NFATC2: variants seen among roughly 807,000 people sequenced by gnomAD.
The protein encoded by NFATC2 is nuclear factor of activated T cells 2.
In NFATC2, 22 loss-of-function variants were observed where a neutral mutation model predicts 87.3. The observed-to-expected ratio is 0.25, with a 90% CI of 0.18 to 0.36. NFATC2 has a LOEUF of 0.36. NFATC2 is among the 10% of genes least tolerant of loss of function. NFATC2 has a pLI of 1.00. For synonymous variants in NFATC2, 565 were observed against 542.2 expected, an observed-to-expected ratio of 1.04 and a Z score of -0.58; for missense variants, 1,149 against 1,259.1, an observed-to-expected ratio of 0.91 and a Z score of 1.32.
Position 51,432,854 on chromosome 20 carries a change from G to T in NFATC2, c.2033-98C>A. On this transcript the variant is annotated intron_variant, in intron 8 of 10. Transcript: ENST00000371564. This position sits in a 1 kb window ranked among gnomAD's most constrained non-coding sequence, Gnocchi z 4.6. ...GGTGCTTGAGAACATGGCCTTGGGA[G>T]TCCATACGGGTGGGACAAACAGCTG... 1 of 1,072,890 alleles carries T rather than the reference G, an allele frequency of 9.3e-7. No individual in the cohort carries two copies. The highest frequency in any genetic ancestry group is 1.3e-6 in the Non-Finnish European group (1 of 791,678). 66.5% of individuals were successfully genotyped at this position (1,072,890 alleles called of 1,614,324 possible).
intron 1 of NFATC2, among the ~76,000 whole-genome samples, chr20:51,525,104 C>T (rs562293857): frequency 2.9e-4 from 44 of 152,274 alleles, no homozygotes; most frequent in African/African-American, 9.9e-4. Flanking sequence ...CCTGTAATCC[C>T]AGCTACTCAG....
upstream of NFATC2, among the ~76,000 whole-genome samples, chr20:51,544,133 G>T (rs921003821): frequency 1.3e-5 from 2 of 151,660 alleles, no homozygotes; most frequent in Non-Finnish European, 2.9e-5. Context: ...GACTACAGGC[G>T]CCAGCCACCA....
intron 3 of NFATC2, among the ~76,000 whole-genome samples, chr20:51,478,191 A>C (rs1988925529): frequency 6.6e-6 from 1 of 152,230 alleles, no homozygotes; most frequent in Non-Finnish European, 1.5e-5. Context: ...GCCAAGATGG[A>C]AATCCAAGTC....
In NFATC2 at chr20:51,516,961, G is replaced by A; in HGVS notation, c.1161-6C>T. 1 of 1,596,882 alleles carries A rather than the reference G, an allele frequency of 6.3e-7. No individual in the cohort carries two copies. The highest frequency in any genetic ancestry group is 8.5e-7 in the Non-Finnish European group (1 of 1,170,470). ...GGGATGCAGTCACTGGGATGCTAAA[G>A]GAGAAAATAAAATCAGCCATGTGTG... On this transcript the variant is annotated splice_polypyrimidine_tract_variant and splice_region_variant and intron_variant, in intron 2 of 10. Transcript: ENST00000371564.
intron 1 of NFATC2, among the ~76,000 whole-genome samples, chr20:51,534,016 A>G (rs6096465): frequency 0.016 from 2,505 of 152,240 alleles, 57 homozygotes; most frequent in East Asian, 0.069. Flanking sequence ...GGAGAATTCC[A>G]GAGATATTCC....
At chr20:51,440,160 C>T (rs1056585511) in intron 6 of NFATC2, among the ~76,000 whole-genome samples, 12 of 143,840 alleles carry the variant, frequency 8.3e-5, no homozygotes, top group African/African-American at 3.2e-4. Flanking sequence ...TCTCTTGAAC[C>T]CAGAGATGGA....
chr20:51,446,825 G>A (rs370791959), intron 6 of NFATC2, among the ~76,000 whole-genome samples: 3 of 152,230 alleles, frequency 2.0e-5, no homozygotes, highest in Non-Finnish European at 2.9e-5. Context: ...TCCAGCCCGG[G>A]GGGCCACTGA....
intron 7 of NFATC2, 89 bp from the exon 8 acceptor site, chr20:51,435,403 A>C: frequency 6.4e-7 from 1 of 1,561,674 alleles, no homozygotes; most frequent in Non-Finnish European, 8.7e-7. Context: ...CCCACTGTCT[A>C]ATGGGTGTTT....
chr20:51,523,941 C>G lies in NFATC2; in HGVS notation c.300G>C (p.Ala100=), dbSNP rs747950928. The G allele has an allele frequency of 7.5e-6, 12 of 1,595,682 alleles. No homozygotes were observed. The Middle Eastern group carries it at 6.7e-4, about 89-fold the overall frequency. Residue 100 remains alanine, a synonymous_variant, in exon 2 of 11, where the codon GCG becomes GCC. Transcript: ENST00000371564. The surrounding 1 kb of genome is among the most constrained non-coding windows in gnomAD (Gnocchi z 6.9). ...GGCCCGAGGCCCCTGCTGGCTTGGC[C>G]GCGCTCAGAAACTTCTGCGGCCCTA... ...DRVGPQKFLS[A]AKPAGASGLS... is the part of the protein sequence containing the mutation.
Position 51,458,271 on chromosome 20 carries a change from G to A in NFATC2, c.1709-3583C>T, listed in dbSNP as rs560072096. Reference sequence around the variant, plus strand: ...GTTGTCAGCAGGCAGGGGGTGTCCTGGGGGTGTCCTGGGCATTGTACAATG... The same window carrying A: ...GTTGTCAGCAGGCAGGGGGTGTCCTAGGGGTGTCCTGGGCATTGTACAATG... On this transcript the variant is annotated intron_variant, in intron 5 of 10. Transcript: ENST00000371564. Among the ~76,000 whole-genome samples the A allele has an allele frequency of 3.4e-4, 52 of 152,058 alleles. 1 individual carries two copies. Among genetic ancestry groups the A allele is most frequent in the Admixed American group, 3.2e-3 (49 of 15,274 alleles).
At chr20:51,405,739 TA>T (rs1341511240) in intron 9 of NFATC2, among the ~76,000 whole-genome samples, 15 of 152,072 alleles carry the variant, frequency 9.9e-5, no homozygotes, top group Non-Finnish European at 1.2e-4. Context: ...AGGTGCTCAG[TA>T]AAAATCTCAA....
chr20:51,556,243 C>A (rs1183233478), intron 1 of NFATC2, among the ~76,000 whole-genome samples: 1 of 152,168 alleles, frequency 6.6e-6, no homozygotes, highest in Non-Finnish European at 1.5e-5. Flanking sequence ...AAACTTCCGG[C>A]CTCTAGAACT....
intron 1 of NFATC2, among the ~76,000 whole-genome samples, chr20:51,527,411 C>T (rs1315558998): frequency 3.9e-5 from 6 of 152,166 alleles, no homozygotes; most frequent in African/African-American, 1.4e-4. Context: ...CACTCACAGG[C>T]CCCTGCTGTG....
chr20:51,552,320 A>G (rs182640194), intron 1 of NFATC2, among the ~76,000 whole-genome samples: 3 of 152,138 alleles, frequency 2.0e-5, no homozygotes, highest in East Asian at 3.9e-4. Context: ...CTGTGTGTGT[A>G]TATATATATA....
Position 51,542,473 on chromosome 20 carries a change from T to G in NFATC2, c.27A>C (p.Gln9His), listed in dbSNP as rs746120617. Residue 9 changes from glutamine to histidine, a missense_variant, in exon 1 of 11, where the codon CAA (glutamine) becomes CAC (histidine). Gln to His is a conservative substitution (Grantham distance 24, BLOSUM62 0). Coordinates refer to ENST00000371564, the MANE Select transcript of NFATC2 (RefSeq NM_012340.5). Reference protein sequence around the residue: MNAPERQPQPDGGDAPGHE... With the variant: MNAPERQPHPDGGDAPGHE... ...GGCCTGGGGCGTCCCCGCCGTCGGG[T>G]TGGGGCTGCCGCTCGGGGGCGTTCA... is the stretch of plus-strand genomic sequence containing the variant. 1 of 1,563,560 alleles carries G rather than the reference T, an allele frequency of 6.4e-7. No individual in the cohort carries two copies. The highest frequency in any genetic ancestry group is 8.6e-7 in the Non-Finnish European group (1 of 1,160,094).
At chr20:51,488,724 C>T (rs1314162560) in intron 3 of NFATC2, among the ~76,000 whole-genome samples, 1 of 152,182 alleles carries the variant, frequency 6.6e-6, no homozygotes, top group African/African-American at 2.4e-5. Context: ...GGTCCCAGCA[C>T]TGTCATCTCT....
At chr20:51,411,078 C>T (rs1979154357) in intron 9 of NFATC2, among the ~76,000 whole-genome samples, 1 of 152,174 alleles carries the variant, frequency 6.6e-6, no homozygotes, top group East Asian at 1.9e-4. Context: ...AAGCAATCTA[C>T]ATGTACTAAC....
At chr20:51,494,327 C>T (rs926688943) in intron 3 of NFATC2, among the ~76,000 whole-genome samples, 3 of 151,878 alleles carry the variant, frequency 2.0e-5, no homozygotes, top group South Asian at 2.1e-4. Context: ...GCAAATCTGG[C>T]GGCTTCCCTG....
chr20:51,393,476 C>T (rs1057341311), intron 10 of NFATC2, among the ~76,000 whole-genome samples: 4 of 152,016 alleles, frequency 2.6e-5, no homozygotes, highest in Admixed American at 6.5e-5. Context: ...CATGTGGAAA[C>T]GGATTCATTA....
Sources: allele counts gnomAD v4.1 joint callset (sites outside exome capture counted in the v4.1 genomes callset), GRCh38; gene constraint gnomAD v4.1.1; non-coding constraint Gnocchi (gnomAD v3.1); transcripts MANE v1.5; gene names NCBI Gene and HGNC (gene_info 2026-07-23, HGNC 2026-07-21).